Variants in SMIM7 observed in about 807,000 individuals in gnomAD.
SMIM7 encodes UPF0608 protein C19orf42.
Under a neutral mutation model 13.3 loss-of-function variants are expected in SMIM7, and 12 were observed. That is an observed-to-expected ratio of 0.90 (90% CI 0.58 to 1.46). The LOEUF (loss-of-function observed/expected upper bound fraction) is 1.46, where lower values mean the gene tolerates loss of function less well. SMIM7 is among the 40% of genes most tolerant of loss of function. SMIM7 has a pLI of 0.00. For missense variants in SMIM7, 114 were observed against 94.8 expected (o/e 1.20, Z -0.84); for synonymous variants, 36 against 35.8 (o/e 1.01, Z -0.02).
At chr19:16,653,813 T>C in intron 4 of SMIM7, 2 of 526,878 alleles carry the variant, frequency 3.8e-6, no homozygotes, top group Non-Finnish European at 3.3e-6. Flanking sequence ...GAGAATCGCT[T>C]AGACCTAAGA....
intron 3 of SMIM7, among the ~76,000 whole-genome samples, chr19:16,657,858 C>A (rs763091424): frequency 1.3e-4 from 20 of 151,934 alleles, no homozygotes; most frequent in Non-Finnish European, 2.1e-4. Flanking sequence ...CAGCGAGATA[C>A]CTATCTCTAC....
At chr19:16,635,089 C>T (rs1287138544) in intron 4 of SMIM7, 1 of 151,818 alleles carries the variant, frequency 6.6e-6, no homozygotes, top group East Asian at 1.9e-4. Flanking sequence ...TGGCCGGGCA[C>T]AGTGGCTCAT....
chr19:16,639,744 C>T (rs1357827696), intron 4 of SMIM7, among the ~76,000 whole-genome samples: 2 of 152,132 alleles, frequency 1.3e-5, no homozygotes, highest in Non-Finnish European at 2.9e-5. Flanking sequence ...AGTAAGTTCT[C>T]ACGAGATCTG....
intron 4 of SMIM7, among the ~76,000 whole-genome samples, chr19:16,635,883 C>CAA (rs1207972448): frequency 0.022 from 1,797 of 80,330 alleles, 45 homozygotes; most frequent in African/African-American, 0.046. Context: ...GACCCTGTCT[C>CAA]AAAAAAAAAA....
chr19:16,641,876 C>A (rs889902522), downstream of SMIM7, among the ~76,000 whole-genome samples: 2 of 152,164 alleles, frequency 1.3e-5, no homozygotes, highest in Non-Finnish European at 2.9e-5. Context: ...CCACCGCACC[C>A]GGCTCCAATA....
At chr19:16,653,168 G>A (rs761339363) in intron 4 of SMIM7, among the ~76,000 whole-genome samples, 5 of 152,198 alleles carry the variant, frequency 3.3e-5, no homozygotes, top group East Asian at 1.9e-4. Flanking sequence ...CAGAGGTGCC[G>A]GGCATAGCCG....
At chr19:16,638,301 C>CTTTTTTTTT (rs375558591) in intron 4 of SMIM7, among the ~76,000 whole-genome samples, 3 of 122,768 alleles carry the variant, frequency 2.4e-5, no homozygotes, top group African/African-American at 6.1e-5. Flanking sequence ...TTTCTTTTTT[C>CTTTTTTTTT]TTTTTTTTTT....
At chr19:16,647,806 T>C (rs1188234912) in intron 4 of SMIM7, among the ~76,000 whole-genome samples, 2 of 152,134 alleles carry the variant, frequency 1.3e-5, no homozygotes, top group Admixed American at 6.6e-5. Context: ...ACAAAAGATA[T>C]ATACAGGAAC....
chr19:16,660,043 C>G, intron 1 of SMIM7, 42 bp downstream of exon 1: 1 of 1,614,184 alleles, frequency 6.2e-7, no homozygotes, highest in Non-Finnish European at 8.5e-7. Flanking sequence ...CCCCCGCGTC[C>G]TGCCTGGCTC....
At chr19:16,652,553 T>A (rs904954016) in intron 4 of SMIM7, 2 of 1,111,686 alleles carry the variant, frequency 1.8e-6, no homozygotes, top group African/African-American at 3.3e-5. Context: ...CCTTCTTTGT[T>A]CCTAGGCAAG....
In SMIM7 at chr19:16,637,716, C is replaced by A. The variant is rs578169615; in HGVS notation, c.*138-5992G>T. Among the ~76,000 whole-genome samples, 59 of 152,304 alleles carry A rather than the reference C, an allele frequency of 3.9e-4. 1 individual carries two copies. In the South Asian group the frequency reaches 7.5e-3, roughly 19 times the overall value. ...AGAACTTCTCAGGGTGCCTCCTACA[C>A]CACACTAGCTTTGTGTGTTTGTTCT... On this transcript the variant is annotated intron_variant and NMD_transcript_variant, in intron 4 of 4. Transcript: ENST00000465250.
intron 4 of SMIM7, among the ~76,000 whole-genome samples, chr19:16,649,197 G>T (rs575489012): frequency 6.6e-6 from 1 of 151,950 alleles, no homozygotes; most frequent in South Asian, 2.1e-4. Flanking sequence ...ATAAACACAG[G>T]TCGGCTTTAA....
In SMIM7 at chr19:16,660,130, G is replaced by A; in HGVS notation, c.-20C>T. 1 of 1,614,018 alleles carries A rather than the reference G, an allele frequency of 6.2e-7. No homozygotes were observed. The highest frequency in any genetic ancestry group is 8.5e-7 in the Non-Finnish European group (1 of 1,179,994). On this transcript the variant is annotated 5_prime_UTR_variant, in exon 1 of 5. In the 5' UTR this introduces an upstream ATG that the reference lacks. Coordinates refer to ENST00000487416, the MANE Select transcript of SMIM7 (RefSeq NM_024104.4). ...GATCATCGTTACGGCCGAAGCGTCCGTCAGAACCGGAAGCGGAAGCCCCAG... is the reference window on the plus strand; with the variant it reads ...GATCATCGTTACGGCCGAAGCGTCCATCAGAACCGGAAGCGGAAGCCCCAG...
intron 4 of SMIM7, among the ~76,000 whole-genome samples, chr19:16,651,053 A>C (rs1796429653): frequency 6.6e-6 from 1 of 152,164 alleles, no homozygotes; most frequent in Admixed American, 6.5e-5. Flanking sequence ...GGCATCCTTC[A>C]AGTTACCTGA....
Position 16,646,940 on chromosome 19 carries a change from T to C in SMIM7, c.*306A>G, listed in dbSNP as rs2086456210. ...CAATCCTTCTGCTCAGATCTCTGGA[T>C]AGAAATGATTTTTCTTTTATCTATG... On this transcript the variant is annotated 3_prime_UTR_variant, in exon 5 of 5. Coordinates refer to ENST00000487416, the MANE Select transcript of SMIM7 (RefSeq NM_024104.4). 3 of 471,924 alleles carry C rather than the reference T, an allele frequency of 6.4e-6. No homozygotes were observed. The highest frequency in any genetic ancestry group is 2.6e-5 in the South Asian group (1 of 38,690). The allele number at this position is 471,924 out of a possible 1,614,324, so 29.2% of individuals were successfully genotyped here.
rs1324940661 is a variant in SMIM7 at position 16,646,422 on chromosome 19, T to C, written c.*824A>G. ...CCCTTTCAAAGAAGCTTCTGGAAAATGCTGTATTTCCTAGATGAAGGCCCC... is the reference window on the plus strand; with the variant it reads ...CCCTTTCAAAGAAGCTTCTGGAAAACGCTGTATTTCCTAGATGAAGGCCCC... On this transcript the variant is annotated 3_prime_UTR_variant, in exon 5 of 5. Transcript: ENST00000487416. 6.6e-6 allele frequency: 1 copy of C among 152,112 alleles called. No homozygotes were observed. Among genetic ancestry groups the C allele is most frequent in the Non-Finnish European group, 1.5e-5 (1 of 68,034 alleles). The allele number at this position is 152,112 out of a possible 1,614,324, so 9.4% of individuals were successfully genotyped here.
At chr19:16,653,799 G>A in intron 4 of SMIM7, 2 of 493,098 alleles carry the variant, frequency 4.1e-6, no homozygotes, top group East Asian at 3.5e-5. Context: ...GGAGGCTGAG[G>A]CAGGAGAATC....
intron 4 of SMIM7, among the ~76,000 whole-genome samples, 200 bp from the exon 5 acceptor site, chr19:16,647,461 C>CTT (rs879901540): frequency 1.4e-5 from 2 of 142,502 alleles, no homozygotes; most frequent in East Asian, 2.0e-4. Flanking sequence ...AGAATATACT[C>CTT]TTTTTTTTTT....
At chr19:16,648,042 A>G (rs941191460) in intron 4 of SMIM7, among the ~76,000 whole-genome samples, 1 of 152,168 alleles carries the variant, frequency 6.6e-6, no homozygotes, top group Non-Finnish European at 1.5e-5. Context: ...ACTTACGTGT[A>G]CATCTTTGTA....
Sources: allele counts gnomAD v4.1 joint callset (sites outside exome capture counted in the v4.1 genomes callset), GRCh38; gene constraint gnomAD v4.1.1; transcripts MANE v1.5; gene names NCBI Gene and HGNC (gene_info 2026-07-23, HGNC 2026-07-21).